Variants in CSMD3 observed in about 807,000 individuals in gnomAD.
CSMD3 encodes CUB and sushi domain-containing protein 3.
CSMD3 carries 177 observed loss-of-function variants against 435.2 expected under a neutral mutation model. That is an observed-to-expected ratio of 0.41 (90% CI 0.36 to 0.46). The LOEUF is 0.46. Among genes scored for constraint, CSMD3 ranks in the 20% least tolerant of loss-of-function variants. CSMD3 has a pLI of 0.34. For missense variants in CSMD3, 4,265 were observed against 4,504.6 expected, an observed-to-expected ratio of 0.95 and a Z score of 1.52; for synonymous variants, 1,656 against 1,520.5, an observed-to-expected ratio of 1.09 and a Z score of -2.07.
intron 27 of CSMD3, among the ~76,000 whole-genome samples, chr8:112,519,401 C>A (rs1177847021): frequency 1.3e-5 from 2 of 151,990 alleles, no homozygotes; most frequent in Non-Finnish European, 2.9e-5. Context: ...CGAGTTTGAC[C>A]TGTAAAATCC....
chr8:112,363,300 C>G (rs954301493), intron 38 of CSMD3, among the ~76,000 whole-genome samples: 1 of 151,962 alleles, frequency 6.6e-6, no homozygotes, highest in Non-Finnish European at 1.5e-5. Flanking sequence ...TGAAGTGTTT[C>G]AGGCACTGAA....
At chr8:113,425,211 C>A (rs1476493155) in intron 1 of CSMD3, among the ~76,000 whole-genome samples, 1 of 151,254 alleles carries the variant, frequency 6.6e-6, no homozygotes, top group Non-Finnish European at 1.5e-5. Flanking sequence ...TATGTCAATC[C>A]CATAATATTC....
At chr8:112,310,011 A>C (rs1023072733) in intron 50 of CSMD3, among the ~76,000 whole-genome samples, 1 of 152,180 alleles carries the variant, frequency 6.6e-6, no homozygotes, top group African/African-American at 2.4e-5. Context: ...TGCTATCTGC[A>C]TCTTTACATG....
intron 22 of CSMD3, among the ~76,000 whole-genome samples, chr8:112,590,390 G>T (rs1195305796): frequency 6.6e-6 from 1 of 151,962 alleles, no homozygotes; most frequent in Non-Finnish European, 1.5e-5. Flanking sequence ...AAGACAAGTG[G>T]GGTAAAAGAA....
intron 1 of CSMD3, among the ~76,000 whole-genome samples, chr8:113,371,955 G>A (rs184219168): frequency 5.7e-4 from 87 of 152,054 alleles, no homozygotes; most frequent in African/African-American, 2.0e-3. Context: ...ATAGCAAGTA[G>A]AATTTAAAAA....
rs893880612 is a variant in CSMD3, at chr8:112,587,235, G to A, written c.3716C>T (p.Ala1239Val). The change falls in exon 23 of 71, where the codon GCT (alanine) becomes GTT (valine). Residue 1239 changes from alanine (A) to valine (V), a missense_variant and splice_region_variant. Around this residue, in one of 3 missense-constraint regions of CSMD3, gnomAD observed 3,255 missense variants for 3,380.2 expected, o/e 0.96. Transcript: ENST00000297405. ...VWSAPLPRCV[A>V]ECGASATNNE... ...ATTCGTTGCAGATGCACCACATTCA[G>A]CTGCAGGTAAAACAGAATATTGAAG... 7.5e-6 allele frequency: 12 copies of A among 1,603,956 alleles called. No individual in the cohort carries two copies. The African/African-American group carries it at 1.5e-4, about 20-fold the overall frequency.
chr8:113,147,548 G>A (rs940439101), intron 4 of CSMD3, among the ~76,000 whole-genome samples: 4 of 151,422 alleles, frequency 2.6e-5, no homozygotes, highest in African/African-American at 2.4e-5. Flanking sequence ...TTCTGAACTC[G>A]CTTCTCTTCC....
At chr8:112,383,345 T>C (rs1035849004) in intron 37 of CSMD3, among the ~76,000 whole-genome samples, 3 of 152,146 alleles carry the variant, frequency 2.0e-5, no homozygotes, top group Non-Finnish European at 4.4e-5. Context: ...CATCAATAAA[T>C]AATTACACAA....
At chr8:112,748,674 GC>G (rs2077496527) in intron 13 of CSMD3, among the ~76,000 whole-genome samples, 1 of 152,052 alleles carries the variant, frequency 6.6e-6, no homozygotes, top group African/African-American at 2.4e-5. Flanking sequence ...ATATGATGCT[GC>G]TTTTTTTTGG....
intron 5 of CSMD3, among the ~76,000 whole-genome samples, chr8:113,075,476 A>T (rs1442640205): frequency 6.6e-6 from 1 of 151,838 alleles, no homozygotes; most frequent in African/African-American, 2.4e-5. Context: ...TACTTTCAAC[A>T]TCTGAAAAGA....
chr8:112,943,979 T>G (rs1224345240), intron 9 of CSMD3, among the ~76,000 whole-genome samples: 4 of 151,706 alleles, frequency 2.6e-5, no homozygotes, highest in South Asian at 2.1e-4. Context: ...TGTTTGTAGC[T>G]AGGAAGCTCA....
At chr8:112,925,034 A>C (rs1554720275) in intron 9 of CSMD3, among the ~76,000 whole-genome samples, 1 of 152,022 alleles carries the variant, frequency 6.6e-6, no homozygotes, top group Non-Finnish European at 1.5e-5. Context: ...TTAAAATTTC[A>C]TGTCATAATT....
chr8:113,011,605 C>T (rs2131129343), intron 6 of CSMD3, among the ~76,000 whole-genome samples: 1 of 151,838 alleles, frequency 6.6e-6, no homozygotes, highest in Non-Finnish European at 1.5e-5. Context: ...ATAACTAAAA[C>T]TCCTTCTTTA....
At position 113,236,549 on chromosome 8, in the gene CSMD3, C is replaced by T. The variant is rs184878646; in HGVS notation, c.514+42043G>A. Among the ~76,000 whole-genome samples the T allele has an allele frequency of 3.9e-3, 584 of 151,432 alleles. 1 individual carries two copies. The highest frequency in any genetic ancestry group is 0.011 in the African/African-American group (439 of 41,276). Reference sequence around the variant, plus strand: ...CTCTCTCTCCTGTTGATGTAACACCCTTTTTTTTTCCTGCCCTTGGACATT... The same window carrying T: ...CTCTCTCTCCTGTTGATGTAACACCTTTTTTTTTTCCTGCCCTTGGACATT... On this transcript the variant is annotated intron_variant, in intron 3 of 70. Transcript: ENST00000297405.
chr8:112,367,571 T>A (rs1205918001), intron 38 of CSMD3, among the ~76,000 whole-genome samples: 1 of 152,192 alleles, frequency 6.6e-6, no homozygotes, highest in Non-Finnish European at 1.5e-5. Flanking sequence ...GCCATAAAGC[T>A]TTTCAATTAT....
At chr8:112,684,918 G>T (rs1173266216) in intron 15 of CSMD3, among the ~76,000 whole-genome samples, 1 of 152,050 alleles carries the variant, frequency 6.6e-6, no homozygotes, top group Non-Finnish European at 1.5e-5. Flanking sequence ...AAGATCCAAA[G>T]TTAATTATTT....
In CSMD3 at chr8:112,637,271, CTATT is replaced by C. The variant is rs1458757639; in HGVS notation, c.3527-270_3527-267del. The stretch of plus-strand genomic sequence containing the variant: ...TTCTGAATAATAAATTAAAAAATAG[CTATT>C]TATCTTATTGTTTTTTCTGCATTAG... On this transcript the variant is annotated intron_variant, in intron 21 of 70. Coordinates refer to ENST00000297405, the MANE Select transcript of CSMD3 (RefSeq NM_198123.2). Among the ~76,000 whole-genome samples the C allele has an allele frequency of 6.6e-5, 10 of 151,914 alleles. No individual in the cohort carries two copies. The East Asian group carries it at 1.4e-3, about 21-fold the overall frequency.
intron 32 of CSMD3, among the ~76,000 whole-genome samples, chr8:112,426,811 A>G (rs553318075): frequency 1.4e-4 from 21 of 152,284 alleles, no homozygotes; most frequent in African/African-American, 4.6e-4. Flanking sequence ...CACTAACAAC[A>G]CCTTTGTGCA....
At chr8:113,126,829 C>T (rs72685853) in intron 4 of CSMD3, among the ~76,000 whole-genome samples, 14,628 of 151,854 alleles carry the variant, frequency 0.096, 913 homozygotes, top group Middle Eastern at 0.17. Context: ...CCCTCCACAC[C>T]TCTCCCTCCC....
Sources: gnomAD v4.1 joint callset for allele counts (sites outside exome capture counted in the v4.1 genomes callset) on GRCh38, gnomAD v4.1.1 for gene constraint, gnomAD v4.1.1 regional missense constraint, MANE v1.5 for transcripts, NCBI Gene and HGNC (gene_info 2026-07-23, HGNC 2026-07-21) for gene names.